GSTCD: variants seen among roughly 807,000 people sequenced by gnomAD.
The protein encoded by GSTCD is glutathione S-transferase C-terminal domain containing.
GSTCD carries 44 observed loss-of-function variants against 68.3 expected under a neutral mutation model. The observed-to-expected ratio is 0.64, with a 90% CI of 0.51 to 0.83. The LOEUF is 0.83. Among genes scored for constraint, GSTCD ranks in the 40% least tolerant of loss-of-function variants. The pLI is 0.00. For missense variants in GSTCD, 739 were observed against 735.9 expected (o/e 1.00, Z -0.05); for synonymous variants, 273 against 255.2 (o/e 1.07, Z -0.67).
chr4:105,712,664 T>C (rs1732572126), intron 1 of GSTCD: 1 of 152,238 alleles, frequency 6.6e-6, no homozygotes, highest in African/African-American at 2.4e-5. Flanking sequence ...TGGCGATGAC[T>C]TAGATTAAGG....
chr4:105,772,949 T>A (rs2149244524), intron 5 of GSTCD, among the ~76,000 whole-genome samples: 1 of 152,338 alleles, frequency 6.6e-6, no homozygotes, highest in South Asian at 2.1e-4. Context: ...CTTCTCTTTG[T>A]ACCTCTGGTA....
chr4:105,743,299 G>A (rs972584346), intron 5 of GSTCD, among the ~76,000 whole-genome samples: 2 of 151,912 alleles, frequency 1.3e-5, no homozygotes, highest in Admixed American at 6.6e-5. Flanking sequence ...CTTCTGATAC[G>A]CTATAATTAT....
Position 105,804,572 on chromosome 4 carries a change from CT to C in GSTCD, c.1241-18381del, listed in dbSNP as rs1349356541. On this transcript the variant is annotated intron_variant, in intron 5 of 11. Coordinates refer to ENST00000515279, the MANE Select transcript of GSTCD (RefSeq NM_001370181.1). Reference sequence around the variant, plus strand: ...TTCATGGAGGACATTTTTTTACCCTCTAGTAATCATGACTGAGCATCTACAC... The same window carrying C: ...TTCATGGAGGACATTTTTTTACCCTCAGTAATCATGACTGAGCATCTACAC... 2.0e-5 allele frequency among the ~76,000 whole-genome samples: 3 copies of C among 149,764 alleles called. No individual in the cohort carries two copies. The East Asian group carries it at 6.0e-4, about 30-fold the overall frequency.
At chr4:105,736,303 G>C (rs1578422202) in intron 5 of GSTCD, among the ~76,000 whole-genome samples, 1 of 152,052 alleles carries the variant, frequency 6.6e-6, no homozygotes, top group South Asian at 2.1e-4. Flanking sequence ...ATTCATTTGG[G>C]GTTACCTCAA....
chr4:105,749,493 A>G lies in GSTCD; in HGVS notation c.1240+19994A>G, dbSNP rs138636056. Among the ~76,000 whole-genome samples, 1,366 of 152,108 alleles carry G rather than the reference A, an allele frequency of 9.0e-3. 19 individuals are homozygous for G. Among genetic ancestry groups the G allele is most frequent in the African/African-American group, 0.029 (1,218 of 41,540 alleles). ...AGAGATAGACATACAGAACAATAAA[A>G]CAGAATAATAAAACAATAAAACAGA... On this transcript the variant is annotated intron_variant, in intron 5 of 11. Coordinates refer to ENST00000515279, the MANE Select transcript of GSTCD (RefSeq NM_001370181.1).
chr4:105,716,114 A>G (rs1732671585), intron 1 of GSTCD, among the ~76,000 whole-genome samples: 1 of 152,224 alleles, frequency 6.6e-6, no homozygotes, highest in South Asian at 2.1e-4. Flanking sequence ...TAATAAACCT[A>G]TAAAGCAGTG....
intron 5 of GSTCD, among the ~76,000 whole-genome samples, chr4:105,777,407 C>A (rs1040083947): frequency 2.6e-5 from 4 of 152,190 alleles, no homozygotes; most frequent in Non-Finnish European, 4.4e-5. Context: ...CCCGAAACCT[C>A]TTTGTTATTG....
intron 5 of GSTCD, among the ~76,000 whole-genome samples, chr4:105,781,693 A>G (rs1253046314): frequency 1.3e-5 from 2 of 152,134 alleles, no homozygotes; most frequent in Non-Finnish European, 2.9e-5. Flanking sequence ...AAGAATTAAA[A>G]CACAAATATA....
At chr4:105,838,684 A>G (rs1412536702) in intron 10 of GSTCD, among the ~76,000 whole-genome samples, 1 of 152,260 alleles carries the variant, frequency 6.6e-6, no homozygotes, top group Non-Finnish European at 1.5e-5. Flanking sequence ...CAGAACATAC[A>G]TAGTTTTTAG....
chr4:105,747,731 A>G (rs1733853045), intron 5 of GSTCD, among the ~76,000 whole-genome samples: 1 of 152,118 alleles, frequency 6.6e-6, no homozygotes, highest in South Asian at 2.1e-4. Flanking sequence ...TGATAATGTA[A>G]ATAAAAATAA....
chr4:105,749,176 AAAAAG>A (rs1733917242), intron 5 of GSTCD, among the ~76,000 whole-genome samples: 5 of 34,028 alleles, frequency 1.5e-4, no homozygotes, highest in Admixed American at 1.3e-3. Flanking sequence ...TTAATTAGAA[AAAAAG>A]AAACGTAAAA....
At chr4:105,741,842 G>T (rs747010511) in intron 5 of GSTCD, among the ~76,000 whole-genome samples, 6 of 152,142 alleles carry the variant, frequency 3.9e-5, no homozygotes, top group Non-Finnish European at 5.9e-5. Flanking sequence ...TTCTTAAAAG[G>T]TTTATAGTCT....
chr4:105,747,827 CAA>C (rs1208689379), intron 5 of GSTCD, among the ~76,000 whole-genome samples: 1 of 151,942 alleles, frequency 6.6e-6, no homozygotes, highest in Non-Finnish European at 1.5e-5. Flanking sequence ...AGATGAGACT[CAA>C]AACTAGCACG....
In GSTCD at chr4:105,717,808, T is replaced by C. The variant is rs142681289; in HGVS notation, c.195T>C (p.Asp65=). ...EVSRDSSLLR[D]DLIQDVEIQI... is the part of the protein sequence containing the mutation. The stretch of plus-strand genomic sequence containing the variant: ...GTAGAGATAGTTCACTACTAAGAGA[T>C]GACCTGATCCAGGATGTTGAAATAC... Residue 65 remains aspartate (D), a synonymous_variant, in exon 2 of 12, where the codon GAT becomes GAC. Transcript: ENST00000515279. 18 of 1,613,954 alleles carry C rather than the reference T, an allele frequency of 1.1e-5. No individual in the cohort carries two copies. The highest frequency in any genetic ancestry group is 1.4e-5 in the Non-Finnish European group (17 of 1,179,940).
rs900553723 is a variant in GSTCD at position 105,715,081 on chromosome 4, C to G, written c.-21-2512C>G. Among the ~76,000 whole-genome samples, 8 of 152,128 alleles carry G rather than the reference C, an allele frequency of 5.3e-5. No homozygotes were observed. The East Asian group carries it at 1.4e-3, about 26-fold the overall frequency. On this transcript the variant is annotated intron_variant, in intron 1 of 11. Transcript: ENST00000515279. ...TCATGTTTTCTTTCAAAACTGCTTTCTTGAAACACTTAGGGGTGAGTCTTC... is the reference window on the plus strand; with the variant it reads ...TCATGTTTTCTTTCAAAACTGCTTTGTTGAAACACTTAGGGGTGAGTCTTC...
chr4:105,790,836 T>A (rs72673814), intron 5 of GSTCD, among the ~76,000 whole-genome samples: 5,367 of 152,066 alleles, frequency 0.035, 116 homozygotes, highest in Non-Finnish European at 0.044. Context: ...GCCTTTTTTT[T>A]AAAAATTTTA....
rs145247454 is a variant in GSTCD at position 105,794,220 on chromosome 4, AC to A, written c.1241-28733del. Among the ~76,000 whole-genome samples, 417 of 152,186 alleles carry A rather than the reference AC, an allele frequency of 2.7e-3. 1 individual carries two copies. Among genetic ancestry groups the A allele is most frequent in the Middle Eastern group, 0.014 (4 of 294 alleles). ...GTCTGAAAAAGGCAAAACTATGGAGACAGTGAAAAGATCAGTGGTTGCCGGA... is the reference window on the plus strand; with the variant it reads ...GTCTGAAAAAGGCAAAACTATGGAGAAGTGAAAAGATCAGTGGTTGCCGGA... On this transcript the variant is annotated intron_variant, in intron 5 of 11. Coordinates refer to ENST00000515279, the MANE Select transcript of GSTCD (RefSeq NM_001370181.1).
At chr4:105,799,194 T>C (rs1736013195) in intron 5 of GSTCD, among the ~76,000 whole-genome samples, 1 of 152,204 alleles carries the variant, frequency 6.6e-6, no homozygotes, top group South Asian at 2.1e-4. Context: ...TGCTCTGGAT[T>C]AGGCGTTTGT....
In GSTCD at chr4:105,842,130, C is replaced by T. The variant is rs1314704203; in HGVS notation, c.1761C>T (p.Leu587=). The change falls in exon 11 of 12, where the codon CTC becomes CTT. Residue 587 remains leucine (L), a synonymous_variant. Transcript: ENST00000515279. ...TCCAGCTCCCACCCCAACGAAGGCTCATAGGTATGTGTTTTCACAGAGCAG... is the reference window on the plus strand; with the variant it reads ...TCCAGCTCCCACCCCAACGAAGGCTTATAGGTATGTGTTTTCACAGAGCAG... ...TAVQLPPQRR[L]IGKQCMCLVD... 3 of 1,612,928 alleles carry T rather than the reference C, an allele frequency of 1.9e-6. No individual in the cohort carries two copies. The highest frequency in any genetic ancestry group is 2.2e-5 in the South Asian group (2 of 91,050).
Sources: gnomAD v4.1 joint callset for allele counts (sites outside exome capture counted in the v4.1 genomes callset) on GRCh38, gnomAD v4.1.1 for gene constraint, MANE v1.5 for transcripts, NCBI Gene and HGNC (gene_info 2026-07-23, HGNC 2026-07-21) for gene names.